Variants in EPHA6 observed in about 807,000 individuals in gnomAD.
EPHA6 encodes ephrin type-A receptor 6.
A neutral mutation model predicts 112.0 loss-of-function variants in EPHA6; 50 were observed. The ratio of observed to expected loss-of-function variants is 0.45; its 90% CI spans 0.36 to 0.56. The LOEUF is 0.56. Among genes scored for constraint, EPHA6 ranks in the 20% least tolerant of loss-of-function variants. The pLI, the probability that EPHA6 is intolerant of heterozygous loss-of-function variation, is 0.00. For synonymous variants in EPHA6, 529 were observed against 490.7 expected (o/e 1.08, Z -1.03); for missense variants, 1,280 against 1,417.4 (o/e 0.90, Z 1.56).
intron 3 of EPHA6, among the ~76,000 whole-genome samples, chr3:97,049,471 C>T (rs1435306052): frequency 1.3e-5 from 2 of 152,162 alleles, no homozygotes; most frequent in African/African-American, 2.4e-5. Flanking sequence ...GGTGTTGTAT[C>T]ATGTTGAGTT....
intron 3 of EPHA6, among the ~76,000 whole-genome samples, chr3:97,088,742 T>C (rs2046978363): frequency 6.6e-6 from 1 of 152,136 alleles, no homozygotes. Context: ...CTTTGTACTT[T>C]GATCGTCAGC....
At chr3:97,112,132 T>A (rs141422248) in intron 3 of EPHA6, among the ~76,000 whole-genome samples, 1 of 152,234 alleles carries the variant, frequency 6.6e-6, no homozygotes, top group East Asian at 1.9e-4. Flanking sequence ...GATATAGTAT[T>A]CATTTAATGA....
At chr3:97,084,927 A>G (rs1315161340) in intron 3 of EPHA6, among the ~76,000 whole-genome samples, 1 of 152,182 alleles carries the variant, frequency 6.6e-6, no homozygotes, top group Non-Finnish European at 1.5e-5. Context: ...GTGAGTCAAG[A>G]ATAATATTTT....
At chr3:96,831,278 A>C (rs2034060713) in intron 1 of EPHA6, among the ~76,000 whole-genome samples, 2 of 152,138 alleles carry the variant, frequency 1.3e-5, no homozygotes, top group Admixed American at 1.3e-4. Context: ...ACACCATATA[A>C]GCTGTCTTGA....
intron 2 of EPHA6, among the ~76,000 whole-genome samples, chr3:96,868,927 C>G (rs2036481858): frequency 6.6e-6 from 1 of 151,726 alleles, no homozygotes; most frequent in Admixed American, 6.6e-5. Flanking sequence ...CAGAGTGTGC[C>G]TGTGAACAGA....
intron 2 of EPHA6, among the ~76,000 whole-genome samples, chr3:96,959,038 G>C (rs995403942): frequency 6.6e-6 from 1 of 152,138 alleles, no homozygotes; most frequent in Non-Finnish European, 1.5e-5. Context: ...AGAATGGAAT[G>C]CTGGGTCATT....
intron 1 of EPHA6, among the ~76,000 whole-genome samples, chr3:96,856,173 G>A (rs1342632498): frequency 2.0e-5 from 3 of 152,046 alleles, no homozygotes; most frequent in African/African-American, 7.2e-5. Context: ...AGGGGAGGTG[G>A]AGGTTGCAGT....
intron 12 of EPHA6, among the ~76,000 whole-genome samples, chr3:97,599,694 A>G (rs1470836342): frequency 7.3e-5 from 11 of 151,102 alleles, no homozygotes; most frequent in African/African-American, 1.7e-4. Context: ...TTGAAGTCAG[A>G]TAGTGTGATG....
At chr3:97,326,690 T>C (rs973616229) in intron 5 of EPHA6, among the ~76,000 whole-genome samples, 2 of 152,054 alleles carry the variant, frequency 1.3e-5, no homozygotes, top group Non-Finnish European at 2.9e-5. Flanking sequence ...TTGGTAGAAA[T>C]TGGATGCACA....
At chr3:97,609,113 C>T (rs2093700018) in intron 12 of EPHA6, among the ~76,000 whole-genome samples, 1 of 151,240 alleles carries the variant, frequency 6.6e-6, no homozygotes, top group African/African-American at 2.4e-5. Context: ...AAAAGTATTC[C>T]TCTGACAGCA....
In EPHA6 at chr3:97,759,399, G is replaced by T. The variant is rs535010596; in HGVS notation, c.*10698G>T. ...CTCAAAAAGCTTTGATGTAAAGGGA[G>T]CAAGAGAAATAGGATAATAGCTGGA... On this transcript the variant is annotated 3_prime_UTR_variant, in exon 18 of 18. Transcript: ENST00000389672. 4.4e-6 allele frequency: 1 copy of T among 225,658 alleles called. No individual in the cohort carries two copies. The highest frequency in any genetic ancestry group is 6.4e-5 in the East Asian group (1 of 15,598). The allele number at this position is 225,658 out of a possible 1,614,324, so 14.0% of individuals were successfully genotyped here.
intron 4 of EPHA6, among the ~76,000 whole-genome samples, chr3:97,242,607 G>A (rs1175450115): frequency 1.3e-5 from 2 of 151,790 alleles, no homozygotes; most frequent in Non-Finnish European, 2.9e-5. Context: ...TCTTATCTCT[G>A]TAAGCCCAAG....
chr3:97,586,120 A>G (rs969944991), intron 11 of EPHA6, among the ~76,000 whole-genome samples: 6 of 152,156 alleles, frequency 3.9e-5, no homozygotes, highest in African/African-American at 1.2e-4. Flanking sequence ...TCATTTGATC[A>G]TTTTTGTATC....
intron 6 of EPHA6, among the ~76,000 whole-genome samples, chr3:97,431,537 T>C (rs978260293): frequency 1.3e-5 from 2 of 152,126 alleles, no homozygotes; most frequent in Non-Finnish European, 2.9e-5. Context: ...AATAATTATT[T>C]CCATATGTCC....
chr3:97,719,541 A>G (rs1165669103), intron 14 of EPHA6, among the ~76,000 whole-genome samples: 1 of 152,212 alleles, frequency 6.6e-6, no homozygotes, highest in Non-Finnish European at 1.5e-5. Flanking sequence ...GATAAAAGGT[A>G]ATAAATGTTA....
At chr3:97,524,832 C>G (rs2092595922) in intron 10 of EPHA6, among the ~76,000 whole-genome samples, 1 of 152,114 alleles carries the variant, frequency 6.6e-6, no homozygotes, top group African/African-American at 2.4e-5. Context: ...GTTGAGAAGT[C>G]ATGTATAGTC....
chr3:97,649,101 A>C (rs1225613180), intron 14 of EPHA6, among the ~76,000 whole-genome samples: 2 of 152,108 alleles, frequency 1.3e-5, no homozygotes, highest in Non-Finnish European at 2.9e-5. Flanking sequence ...TCTCGCTGCT[A>C]ATAAAGACAT....
chr3:96,939,589 G>A (rs989197698), intron 2 of EPHA6, among the ~76,000 whole-genome samples: 1 of 152,028 alleles, frequency 6.6e-6, no homozygotes, highest in African/African-American at 2.4e-5. Context: ...AAGGGTTTTT[G>A]TGTCTCTATA....
intron 3 of EPHA6, among the ~76,000 whole-genome samples, chr3:96,997,628 C>A (rs928099676): frequency 1.3e-4 from 19 of 151,906 alleles, no homozygotes; most frequent in African/African-American, 4.6e-4. Context: ...TTATGGTACA[C>A]CCCCAAAATA....
Sources: gnomAD v4.1 joint callset for allele counts (sites outside exome capture counted in the v4.1 genomes callset) on GRCh38, gnomAD v4.1.1 for gene constraint, MANE v1.5 for transcripts, NCBI Gene and HGNC (gene_info 2026-07-23, HGNC 2026-07-21) for gene names.